CNTN4: variants seen among roughly 807,000 people sequenced by gnomAD.
The protein encoded by CNTN4 is contactin-4.
A neutral mutation model predicts 122.5 loss-of-function variants in CNTN4; 77 were observed. The observed-to-expected ratio is 0.63, with a 90% CI of 0.52 to 0.76. The LOEUF (loss-of-function observed/expected upper bound fraction) is 0.76. CNTN4 is among the 30% of genes least tolerant of loss of function. The pLI is 0.00. For missense variants in CNTN4, 1,256 were observed against 1,259.1 expected (o/e 1.00, Z 0.04); for synonymous variants, 512 against 447.0 (o/e 1.15, Z -1.83).
Position 3,043,595 on chromosome 3 carries a change from C to G in CNTN4, c.2702C>G (p.Pro901Arg). ...GTATATCTTAATTTTTTTATAGCAC[C>G]AAGTCAACCCCCCGGAAACATCATA... ...TVNVTTRKPP[P>R]SQPPGNIIWN... is the part of the protein sequence containing the mutation. The change falls in exon 23 of 25, where the codon CCA (proline) becomes CGA (arginine). Residue 901 changes from proline (P) to arginine (R), a missense_variant. Pro to Arg is a moderately radical substitution (Grantham distance 103). Transcript: ENST00000418658. The G allele has an allele frequency of 6.2e-7, 1 of 1,610,486 alleles. No homozygotes were observed. Among genetic ancestry groups the G allele is most frequent in the Non-Finnish European group, 8.5e-7 (1 of 1,176,756 alleles).
chr3:2,647,020 G>A (rs542809831), intron 4 of CNTN4, among the ~76,000 whole-genome samples: 49 of 152,226 alleles, frequency 3.2e-4, no homozygotes, highest in African/African-American at 1.2e-3. Context: ...CTTATATCTG[G>A]TAGAGACCCT....
At chr3:2,418,161 A>G (rs188992468) in intron 3 of CNTN4, among the ~76,000 whole-genome samples, 2 of 152,302 alleles carry the variant, frequency 1.3e-5, no homozygotes, top group Admixed American at 6.5e-5. Flanking sequence ...TGATATGTCA[A>G]TGTGGGTTCA....
At chr3:2,286,679 G>T (rs1218100200) in intron 2 of CNTN4, among the ~76,000 whole-genome samples, 1 of 152,146 alleles carries the variant, frequency 6.6e-6, no homozygotes, top group Non-Finnish European at 1.5e-5. Context: ...TTAGAACATA[G>T]TGGGAGCCTG....
chr3:2,306,292 T>A (rs1038765372), intron 2 of CNTN4, among the ~76,000 whole-genome samples: 1 of 152,166 alleles, frequency 6.6e-6, no homozygotes, highest in Non-Finnish European at 1.5e-5. Flanking sequence ...TCTTGTCAGC[T>A]CTATATGTTG....
chr3:2,575,593 G>A (rs1441370104), intron 4 of CNTN4, among the ~76,000 whole-genome samples: 3 of 152,074 alleles, frequency 2.0e-5, no homozygotes. Flanking sequence ...TGTCAAGAAT[G>A]CTCTTGCCTT....
chr3:2,241,256 TA>T, intron 2 of CNTN4, among the ~76,000 whole-genome samples: 1 of 152,374 alleles, frequency 6.6e-6, no homozygotes, highest in Non-Finnish European at 1.5e-5. Context: ...GTAGATATCA[TA>T]ATTACTGTAG....
chr3:2,751,322 A>C (rs190518783), intron 6 of CNTN4, among the ~76,000 whole-genome samples: 121 of 152,242 alleles, frequency 7.9e-4, no homozygotes, highest in Admixed American at 1.4e-3. Flanking sequence ...CGTCTCAAAA[A>C]ATAAAAATAA....
chr3:2,538,860 C>T (rs1365068871), intron 3 of CNTN4, among the ~76,000 whole-genome samples: 5 of 151,774 alleles, frequency 3.3e-5, no homozygotes, highest in Admixed American at 6.6e-5. Flanking sequence ...CACAGACACA[C>T]ACCCACAATG....
At chr3:2,355,387 A>G (rs867549474) in intron 3 of CNTN4, among the ~76,000 whole-genome samples, 6 of 152,210 alleles carry the variant, frequency 3.9e-5, no homozygotes, top group Admixed American at 1.3e-4. Flanking sequence ...GTCTTGGCCA[A>G]GAAATCTCAG....
chr3:2,805,428 G>A (rs549353429), intron 6 of CNTN4, among the ~76,000 whole-genome samples: 4 of 152,304 alleles, frequency 2.6e-5, no homozygotes, highest in East Asian at 3.9e-4. Context: ...ATGTTGTGAC[G>A]ATGGAAAGAT....
intron 4 of CNTN4, among the ~76,000 whole-genome samples, chr3:2,705,926 A>T (rs2086701356): frequency 7.9e-6 from 1 of 126,674 alleles, no homozygotes; most frequent in Admixed American, 9.7e-5. Flanking sequence ...TATATGTAAT[A>T]TATAATTTAT....
chr3:2,108,009 T>C (rs1320824618), intron 2 of CNTN4, among the ~76,000 whole-genome samples: 1 of 152,084 alleles, frequency 6.6e-6, no homozygotes, highest in Non-Finnish European at 1.5e-5. Context: ...TGAAATCACA[T>C]CCTCAGGCTT....
chr3:2,644,084 G>A (rs910494368), intron 4 of CNTN4, among the ~76,000 whole-genome samples: 2 of 152,096 alleles, frequency 1.3e-5, no homozygotes, highest in African/African-American at 4.8e-5. Context: ...TACTGCCTAA[G>A]AGCACAAGCG....
intron 4 of CNTN4, among the ~76,000 whole-genome samples, chr3:2,606,326 G>A (rs570828861): frequency 1.5e-4 from 23 of 152,198 alleles, no homozygotes; most frequent in African/African-American, 5.3e-4. Flanking sequence ...ATACACTGGG[G>A]CCTGTGGTAG....
At chr3:2,284,785 G>C (rs2041843826) in intron 2 of CNTN4, among the ~76,000 whole-genome samples, 1 of 151,670 alleles carries the variant, frequency 6.6e-6, no homozygotes, top group Non-Finnish European at 1.5e-5. Flanking sequence ...AGTAGACTAA[G>C]AGTCATTAAA....
At chr3:2,756,960 G>T (rs148717387) in intron 6 of CNTN4, among the ~76,000 whole-genome samples, 22 of 152,140 alleles carry the variant, frequency 1.4e-4, no homozygotes, top group African/African-American at 4.6e-4. Context: ...AAACAAACAG[G>T]CCAACATATG....
chr3:2,816,576 A>G (rs183858143), intron 6 of CNTN4, among the ~76,000 whole-genome samples: 140 of 151,804 alleles, frequency 9.2e-4, no homozygotes, highest in Admixed American at 1.6e-3. Flanking sequence ...TAATTCCAGC[A>G]CTTTTGGAGG....
intron 3 of CNTN4, among the ~76,000 whole-genome samples, chr3:2,484,987 C>T (rs755461991): frequency 1.6e-4 from 25 of 152,186 alleles, no homozygotes; most frequent in African/African-American, 2.7e-4. Flanking sequence ...GTGGGCTCGG[C>T]GGCCCGCACT....
At chr3:2,393,553 T>C (rs1482222214) in intron 3 of CNTN4, among the ~76,000 whole-genome samples, 3 of 152,202 alleles carry the variant, frequency 2.0e-5, no homozygotes, top group Non-Finnish European at 4.4e-5. Flanking sequence ...TAGGGAGATA[T>C]GCACTTAACA....
Sources: gnomAD v4.1 joint callset for allele counts (sites outside exome capture counted in the v4.1 genomes callset) on GRCh38, gnomAD v4.1.1 for gene constraint, MANE v1.5 for transcripts, NCBI Gene and HGNC (gene_info 2026-07-23, HGNC 2026-07-21) for gene names.